Variants in MAML3 observed in about 807,000 individuals in gnomAD.
MAML3 encodes mastermind like transcriptional coactivator 3.
MAML3 carries 27 observed loss-of-function variants against 101.9 expected under a neutral mutation model. That is an observed-to-expected ratio of 0.27 (90% CI 0.20 to 0.37). The LOEUF (loss-of-function observed/expected upper bound fraction) is 0.37. MAML3 is among the 10% of genes least tolerant of loss of function. The probability of loss-of-function intolerance (pLI) is 1.00; values close to 1 mark genes in which losing one functional copy is unlikely to be tolerated. For synonymous variants in MAML3, 501 were observed against 555.9 expected, an observed-to-expected ratio of 0.90 and a Z score of 1.39; for missense variants, 1,316 against 1,444.9, an observed-to-expected ratio of 0.91 and a Z score of 1.45.
intron 2 of MAML3, among the ~76,000 whole-genome samples, chr4:139,791,402 AG>A (rs1463959162): frequency 6.7e-6 from 1 of 150,098 alleles, no homozygotes; most frequent in Non-Finnish European, 1.5e-5. Flanking sequence ...GGGAGGCTGA[AG>A]TAGGGGAATT....
In MAML3 at chr4:139,879,594, G is replaced by A. The variant is rs1251994381; in HGVS notation, c.2079+9763C>T. On this transcript the variant is annotated intron_variant, in intron 2 of 4. Coordinates refer to ENST00000509479, the MANE Select transcript of MAML3 (RefSeq NM_018717.5). ...GAAAATGGTGGTGGTGGTAGTGGTT[G>A]GGAGAAAATGGTCGTGGTGGTGATA... Among the ~76,000 whole-genome samples, 3 of 144,904 alleles carry A rather than the reference G, an allele frequency of 2.1e-5. No homozygotes were observed. In the Admixed American group the frequency reaches 2.1e-4, roughly 10 times the overall value.
Position 139,719,933 on chromosome 4 carries a change from A to T in MAML3, c.2807T>A (p.Val936Glu). Residue 936 changes from valine (V) to glutamate (E), a missense_variant, in exon 5 of 5, where the codon GTA becomes GAA. Physicochemically the swap from Val to Glu is moderately radical, Grantham distance 121 (BLOSUM62 -2). Coordinates refer to ENST00000509479, the MANE Select transcript of MAML3 (RefSeq NM_018717.5). ...TQQHPQMKGP[V>E]GQALPRPQAP... Reference sequence around the variant, plus strand: ...TTGGGGCCTAGGCAAGGCCTGGCCTACTGGCCCTTTCATCTGTGGATGTTG... The same window carrying T: ...TTGGGGCCTAGGCAAGGCCTGGCCTTCTGGCCCTTTCATCTGTGGATGTTG... The T allele has an allele frequency of 6.2e-7, 1 of 1,614,030 alleles. No homozygotes were observed. The highest frequency in any genetic ancestry group is 8.5e-7 in the Non-Finnish European group (1 of 1,179,902).
At chr4:140,125,548 T>C (rs1412836329) in intron 1 of MAML3, among the ~76,000 whole-genome samples, 1 of 152,258 alleles carries the variant, frequency 6.6e-6, no homozygotes, top group East Asian at 1.9e-4. Context: ...ACATATATAC[T>C]TACTCATGCA....
intron 1 of MAML3, among the ~76,000 whole-genome samples, chr4:139,992,610 C>T (rs1014419257): frequency 1.8e-4 from 28 of 152,192 alleles, no homozygotes; most frequent in Admixed American, 1.8e-3. Context: ...ACTGCAACCT[C>T]TGCCTCCTGG....
intron 2 of MAML3, among the ~76,000 whole-genome samples, chr4:139,884,153 G>A (rs981654883): frequency 6.6e-6 from 1 of 152,154 alleles, no homozygotes; most frequent in African/African-American, 2.4e-5. Flanking sequence ...TAAAGTGCTG[G>A]GATTACAGGC....
At chr4:140,091,543 C>CAAAAA (rs1186102121) in intron 1 of MAML3, among the ~76,000 whole-genome samples, 1 of 108,266 alleles carries the variant, frequency 9.2e-6, no homozygotes. Context: ...AAAACAAAAA[C>CAAAAA]AAAACAAAAA....
chr4:140,107,148 GGCATGAGCC>G (rs1248557611), intron 1 of MAML3, among the ~76,000 whole-genome samples: 1 of 152,160 alleles, frequency 6.6e-6, no homozygotes, highest in East Asian at 1.9e-4. Flanking sequence ...TGGGATTACA[GGCATGAGCC>G]ACTGCGCCCA....
intron 2 of MAML3, among the ~76,000 whole-genome samples, chr4:139,823,018 A>T (rs534550923): frequency 3.3e-5 from 5 of 152,220 alleles, no homozygotes; most frequent in Admixed American, 2.0e-4. Context: ...AAAAAAACAC[A>T]TAGCTTTAAG....
rs764190222 is a variant in MAML3, at chr4:139,890,006, T to G, written c.1430A>C (p.Gln477Pro). ...QLKQMAAQQQ[Q>P]RAKLMQQKQQ... ...TTTCTGCTGCATGAGTTTGGCCCTT[T>G]GTTGCTGCTGTGCAGCCATCTGTTT... The change falls in exon 2 of 5, where the codon CAA (glutamine) becomes CCA (proline). Residue 477 changes from glutamine (Q) to proline (P), a missense_variant. Gln to Pro is a moderately conservative substitution (Grantham distance 76, BLOSUM62 -1). Coordinates refer to ENST00000509479, the MANE Select transcript of MAML3 (RefSeq NM_018717.5). The surrounding 1 kb of genome is among the most constrained non-coding windows in gnomAD (Gnocchi z 4.1). 3 of 1,610,824 alleles carry G rather than the reference T, an allele frequency of 1.9e-6. No homozygotes were observed. The Admixed American group carries it at 5.1e-5, about 27-fold the overall frequency.
chr4:139,940,607 T>C (rs1028816570), intron 1 of MAML3, among the ~76,000 whole-genome samples: 1 of 152,226 alleles, frequency 6.6e-6, no homozygotes, highest in Non-Finnish European at 1.5e-5. Flanking sequence ...AGGAAGCAAG[T>C]TGTTCCCAAA....
chr4:139,877,235 T>C (rs897093669), intron 2 of MAML3, among the ~76,000 whole-genome samples: 10 of 152,164 alleles, frequency 6.6e-5, no homozygotes, highest in African/African-American at 2.2e-4. Flanking sequence ...ATGTACTAGA[T>C]CCGCTGCAAA....
At chr4:139,776,510 C>T (rs924668885) in intron 2 of MAML3, among the ~76,000 whole-genome samples, 5 of 152,214 alleles carry the variant, frequency 3.3e-5, no homozygotes, top group African/African-American at 1.2e-4. Flanking sequence ...CTCCCGGCAG[C>T]TTTAGGGAAA....
chr4:139,847,290 G>C (rs375755085), intron 2 of MAML3, among the ~76,000 whole-genome samples: 7 of 152,258 alleles, frequency 4.6e-5, no homozygotes, highest in African/African-American at 1.7e-4. Flanking sequence ...GAATAGTGTG[G>C]GAAGTTGGGT....
intron 1 of MAML3, among the ~76,000 whole-genome samples, chr4:140,052,095 A>G (rs1196124659): frequency 6.6e-6 from 1 of 152,198 alleles, no homozygotes; most frequent in Non-Finnish European, 1.5e-5. Context: ...GGTTAAGGAA[A>G]AAAATGAGAA....
chr4:139,750,875 G>T (rs979489660), intron 2 of MAML3, among the ~76,000 whole-genome samples: 4 of 152,164 alleles, frequency 2.6e-5, no homozygotes, highest in Non-Finnish European at 5.9e-5. Context: ...CAGAAGAAGG[G>T]TTTTTGTTTT....
chr4:140,038,136 C>G lies in MAML3; in HGVS notation c.468+114724G>C, dbSNP rs528775421. ...ATTCTACATGGGTGAAGAAGAGAGTCAGAAAGAAATGCACTCGGAAATGCT... is the reference window on the plus strand; with the variant it reads ...ATTCTACATGGGTGAAGAAGAGAGTGAGAAAGAAATGCACTCGGAAATGCT... On this transcript the variant is annotated intron_variant, in intron 1 of 4. Coordinates refer to ENST00000509479, the MANE Select transcript of MAML3 (RefSeq NM_018717.5). Among the ~76,000 whole-genome samples, 30 of 152,328 alleles carry G rather than the reference C, an allele frequency of 2.0e-4. 1 individual carries two copies. In the Middle Eastern group the frequency reaches 0.01, roughly 52 times the overall value.
At chr4:139,796,259 G>C (rs1730509515) in intron 2 of MAML3, among the ~76,000 whole-genome samples, 1 of 152,184 alleles carries the variant, frequency 6.6e-6, no homozygotes, top group African/African-American at 2.4e-5. Context: ...GCTTTATAGA[G>C]AGAAGAAACT....
intron 1 of MAML3, among the ~76,000 whole-genome samples, chr4:140,032,199 G>A (rs1352207272): frequency 2.0e-5 from 3 of 152,174 alleles, no homozygotes; most frequent in African/African-American, 4.8e-5. Flanking sequence ...AATTGGAAAT[G>A]ATCGTAGATA....
chr4:139,749,428 A>C (rs1729427617), intron 2 of MAML3, among the ~76,000 whole-genome samples: 1 of 152,226 alleles, frequency 6.6e-6, no homozygotes, highest in Non-Finnish European at 1.5e-5. Flanking sequence ...ATCTAAGCGA[A>C]ATCTGATTGT....
Sources: allele counts gnomAD v4.1 joint callset (sites outside exome capture counted in the v4.1 genomes callset), GRCh38; gene constraint gnomAD v4.1.1; non-coding constraint Gnocchi (gnomAD v3.1); transcripts MANE v1.5; gene names NCBI Gene and HGNC (gene_info 2026-07-23, HGNC 2026-07-21).